The following CCDC200 variants were observed in gnomAD, a reference collection of about 807,000 sequenced individuals.
CCDC200 encodes coiled-coil domain containing 200.
At chr17:43,225,764 C>T (rs565462952) in intron 1 of CCDC200, among the ~76,000 whole-genome samples, 4 of 130,440 alleles carry the variant, frequency 3.1e-5, no homozygotes, top group East Asian at 2.4e-4. Context: ...GACAGAGTCT[C>T]GTTCTGTCCC....
chr17:43,222,153 G>A (rs1322794993), intron 3 of CCDC200, among the ~76,000 whole-genome samples: 1 of 151,742 alleles, frequency 6.6e-6, no homozygotes, highest in African/African-American at 2.4e-5. Flanking sequence ...TCCAAGCTAA[G>A]TGCTTTTAAT....
chr17:43,226,591 C>T (rs2057571503), intron 1 of CCDC200, among the ~76,000 whole-genome samples: 1 of 151,990 alleles, frequency 6.6e-6, no homozygotes, highest in Admixed American at 6.6e-5. Context: ...AGACGGATTT[C>T]ACCATGATAC....
At chr17:43,223,237 T>G (rs1236958151) in intron 3 of CCDC200, among the ~76,000 whole-genome samples, 18 of 81,790 alleles carry the variant, frequency 2.2e-4, no homozygotes, top group African/African-American at 5.0e-4. Context: ...TTTTTTTCAA[T>G]TTTTTTCAAT....
At chr17:43,222,172 C>CTCTG (rs375858064) in intron 3 of CCDC200, among the ~76,000 whole-genome samples, 30 of 151,514 alleles carry the variant, frequency 2.0e-4, no homozygotes, top group Non-Finnish European at 4.0e-4. Context: ...ATGCTCTTTC[C>CTCTG]TCTGTCTGTC....
chr17:43,226,185 C>G (rs1157100555), intron 1 of CCDC200: 1 of 151,802 alleles, frequency 6.6e-6, no homozygotes, highest in African/African-American at 2.4e-5. Context: ...CTGGTCTTTA[C>G]AAAAAATTAG....
chr17:43,222,574 C>T (rs1460879033), intron 3 of CCDC200, among the ~76,000 whole-genome samples: 3 of 150,138 alleles, frequency 2.0e-5, no homozygotes, highest in East Asian at 2.0e-4. Context: ...GCCATCCATA[C>T]CCAGGCATTT....
At chr17:43,226,726 A>C (rs1448345933) in intron 1 of CCDC200, among the ~76,000 whole-genome samples, 1 of 152,170 alleles carries the variant, frequency 6.6e-6, no homozygotes, top group Non-Finnish European at 1.5e-5. Flanking sequence ...CATGCATCCA[A>C]AACATCAATA....
At chr17:43,222,418 C>A (rs1018661940) in intron 3 of CCDC200, among the ~76,000 whole-genome samples, 1 of 152,144 alleles carries the variant, frequency 6.6e-6, no homozygotes, top group Non-Finnish European at 1.5e-5. Flanking sequence ...CTGCTCACCT[C>A]GGCCTCCCAA....
rs771286776 is a variant in CCDC200 at position 43,223,619 on chromosome 17, T to C, written c.422-5A>G. On this transcript the variant is annotated splice_polypyrimidine_tract_variant and splice_region_variant and intron_variant, in intron 2 of 3. Transcript: ENST00000636331. ...ATTGGCATGGGTTCATGAGACCTGA[T>C]GATGAAACAAAGTACAGGTTACTCA... 1 of 152,438 alleles carries C rather than the reference T, an allele frequency of 6.6e-6. No individual in the cohort carries two copies. Among genetic ancestry groups the C allele is most frequent in the Non-Finnish European group, 1.5e-5 (1 of 67,998 alleles). The allele number at this position is 152,438 out of a possible 1,614,324, so 9.4% of individuals were successfully genotyped here.
intron 1 of CCDC200, among the ~76,000 whole-genome samples, chr17:43,226,501 T>A (rs2057570825): frequency 6.6e-6 from 1 of 152,212 alleles, no homozygotes; most frequent in Admixed American, 6.6e-5. Context: ...GCTCAAGTGA[T>A]TCTCCCACTG....
At chr17:43,225,492 G>A (rs1479407545) in intron 1 of CCDC200, among the ~76,000 whole-genome samples, 5 of 148,018 alleles carry the variant, frequency 3.4e-5, no homozygotes, top group African/African-American at 4.9e-5. Flanking sequence ...GTGAAACCCC[G>A]TCTCTACTAA....
At chr17:43,222,672 C>T (rs1016553522) in intron 3 of CCDC200, among the ~76,000 whole-genome samples, 1 of 151,322 alleles carries the variant, frequency 6.6e-6, no homozygotes, top group African/African-American at 2.4e-5. Flanking sequence ...CTTACGGCAG[C>T]CTCAACCTCT....
At chr17:43,223,484 A>G (rs758950966) in intron 3 of CCDC200, 72 bp downstream of exon 3, 1 of 141,844 alleles carries the variant, frequency 7.1e-6, no homozygotes, top group Non-Finnish European at 1.6e-5. Flanking sequence ...ACACACTCAC[A>G]CTCTCTCTCT....
intron 3 of CCDC200, among the ~76,000 whole-genome samples, chr17:43,222,874 A>G (rs1359782539): frequency 6.7e-6 from 1 of 148,234 alleles, no homozygotes; most frequent in East Asian, 2.0e-4. Flanking sequence ...GGTTCAAGTG[A>G]TTCTCCTGCC....
rs370328349 is a variant in CCDC200 at position 43,223,272 on chromosome 17, G to A, written c.480+284C>T. On this transcript the variant is annotated intron_variant, in intron 3 of 3. Transcript: ENST00000636331. ...TTTTTTTTTTTTTTTGGAGATGTCT[G>A]AACCTGAACTCCTGGGCTCAAGCAA... Among the ~76,000 whole-genome samples the A allele has an allele frequency of 1.0e-4, 9 of 89,020 alleles. No individual in the cohort carries two copies. In the East Asian group the frequency reaches 1.1e-3, roughly 11 times the overall value. The allele number at this position is 89,020 out of a possible 152,430, so 58.4% of individuals were successfully genotyped here. A position where few individuals can be genotyped will look rare whatever the true frequency, so the allele number is the denominator to read the frequency against.
At chr17:43,225,693 T>TATATATATATATATATATATATATATAA (rs1282739067) in intron 1 of CCDC200, among the ~76,000 whole-genome samples, 17 of 28,970 alleles carry the variant, frequency 5.9e-4, no homozygotes, top group African/African-American at 8.0e-4. Context: ...TATATATATA[T>TATATATATATATATATATATATATATAA]TGCATGCTAC....
chr17:43,223,797 T>G (rs549668474), intron 2 of CCDC200, 183 bp from the exon 3 acceptor site: 1 of 152,320 alleles, frequency 6.6e-6, no homozygotes, highest in African/African-American at 2.4e-5. Context: ...GAAGCTGTGC[T>G]GTGGTTCCCT....
chr17:43,227,509 G>T (rs1216857604), intron 1 of CCDC200, among the ~76,000 whole-genome samples: 1 of 151,600 alleles, frequency 6.6e-6, no homozygotes, highest in Non-Finnish European at 1.5e-5. Context: ...TTTTGAGACA[G>T]AGTCTCACTC....
chr17:43,223,421 C>T, intron 3 of CCDC200, 135 bp downstream of exon 3: 1 of 142,186 alleles, frequency 7.0e-6, no homozygotes, highest in African/African-American at 2.5e-5. Context: ...TAATTCTAGT[C>T]TCCTCCCCTT....
Sources: allele counts gnomAD v4.1 joint callset (sites outside exome capture counted in the v4.1 genomes callset), GRCh38; gene constraint gnomAD v4.1.1; transcripts MANE v1.5; gene names NCBI Gene and HGNC (gene_info 2026-07-23, HGNC 2026-07-21).